Variants in MARS1 observed in about 807,000 individuals in gnomAD.
MARS1 encodes methionine--tRNA ligase, cytoplasmic.
Under a neutral mutation model 119.5 loss-of-function variants are expected in MARS1, and 80 were observed. That is an observed-to-expected ratio of 0.67 (90% CI 0.56 to 0.81). The LOEUF (loss-of-function observed/expected upper bound fraction) is 0.81, where lower values mean the gene tolerates loss of function less well. Ranked by LOEUF, MARS1 falls within the 30% of genes least tolerant of loss-of-function variation. The pLI is 0.00. For synonymous variants in MARS1, 418 were observed against 433.4 expected, an observed-to-expected ratio of 0.96 and a Z score of 0.44; for missense variants, 945 against 1,116.5, an observed-to-expected ratio of 0.85 and a Z score of 2.19.
chr12:57,494,169 T>A (rs1876454018), intron 7 of MARS1, among the ~76,000 whole-genome samples: 1 of 150,178 alleles, frequency 6.7e-6, no homozygotes, highest in Non-Finnish European at 1.5e-5. Context: ...TTGGCCAGGC[T>A]GGTCTCAAAC....
chr12:57,496,362 T>C (rs1292321813), intron 7 of MARS1, among the ~76,000 whole-genome samples: 2 of 150,748 alleles, frequency 1.3e-5, no homozygotes, highest in Admixed American at 6.6e-5. Flanking sequence ...GACGGGGTTT[T>C]ACCATGTTGG....
In MARS1 at chr12:57,498,150, T is replaced by A. The variant is rs1876729605; in HGVS notation, c.771-7T>A. 6.3e-7 allele frequency: 1 copy of A among 1,599,778 alleles called. No individual in the cohort carries two copies. The highest frequency in any genetic ancestry group is 8.6e-7 in the Non-Finnish European group (1 of 1,166,962). On this transcript the variant is annotated splice_region_variant and splice_polypyrimidine_tract_variant and intron_variant, in intron 7 of 20. Coordinates refer to ENST00000262027, the MANE Select transcript of MARS1 (RefSeq NM_004990.4). ...CATGCACTGTTCTCTTCCTCTTTCC[T>A]TACTAGGTTGCCTGTGGCTGGAGAA...
At position 57,515,949 on chromosome 12, in the gene MARS1, T is replaced by C. The variant is rs1057523185; in HGVS notation, c.2421T>C (p.Asn807=). ...GTCCCTTGTTCCAAAAATTGGAAAA[T>C]GACCAGATTGAAAGTTTAAGGCAGC... ...TVSPLFQKLE[N]DQIESLRQRF... The change falls in exon 19 of 21, where the codon AAT becomes AAC. Residue 807 remains asparagine, a synonymous_variant. Coordinates refer to ENST00000262027, the MANE Select transcript of MARS1 (RefSeq NM_004990.4). The C allele has an allele frequency of 6.2e-7, 1 of 1,614,072 alleles. No individual in the cohort carries two copies. The highest frequency in any genetic ancestry group is 8.5e-7 in the Non-Finnish European group (1 of 1,179,990).
intron 1 of MARS1, 43 bp downstream of exon 1, chr12:57,488,242 A>G: frequency 1.3e-6 from 2 of 1,559,764 alleles, no homozygotes; most frequent in Non-Finnish European, 1.8e-6. Context: ...GGGGGGCGGG[A>G]CCGAAACACG....
At position 57,512,818 on chromosome 12, in the gene MARS1, C is replaced by T; in HGVS notation, c.1821C>T (p.Ala607=). 1 of 1,614,178 alleles carries T rather than the reference C, an allele frequency of 6.2e-7. No homozygotes were observed. Among genetic ancestry groups the T allele is most frequent in the African/African-American group, 1.3e-5 (1 of 75,048 alleles). Residue 607 remains alanine (A), a synonymous_variant, in exon 15 of 21, where the codon GCC becomes GCT. Transcript: ENST00000262027. ...GTGTGGGAGTGTTTGGGGACATGGCCCAGGACACGGGGATCCCTGCTGACA... is the reference window on the plus strand; with the variant it reads ...GTGTGGGAGTGTTTGGGGACATGGCTCAGGACACGGGGATCCCTGCTGACA... ...SRGVGVFGDM[A]QDTGIPADIW...
Position 57,512,362 on chromosome 12 carries a change from C to G in MARS1, c.1753+9C>G. On this transcript the variant is annotated intron_variant, in intron 14 of 20. Transcript: ENST00000262027. ...CCACCTCATTGCTACAGGTAAGTAC[C>G]CTGGAAGACTACTGATGGGGTGTTC... The G allele has an allele frequency of 5.0e-6, 8 of 1,585,324 alleles. No homozygotes were observed. Among genetic ancestry groups the G allele is most frequent in the Non-Finnish European group, 6.1e-6 (7 of 1,153,956 alleles).
In MARS1 at chr12:57,489,702, A is replaced by T. The variant is rs1028759246; in HGVS notation, c.414+144A>T. The T allele has an allele frequency of 2.4e-6, 3 of 1,254,308 alleles. No individual in the cohort carries two copies. In the African/African-American group the frequency reaches 4.5e-5, roughly 19 times the overall value. The allele number at this position is 1,254,308 out of a possible 1,614,324, so 77.7% of individuals were successfully genotyped here. A position where few individuals can be genotyped will look rare whatever the true frequency, so the allele number is the denominator to read the frequency against. Reference sequence around the variant, plus strand: ...AAATCACTTAATCTCTCTAATCCTCAATTTTTTTCAGTTGTGAAATGGGAT... The same window carrying T: ...AAATCACTTAATCTCTCTAATCCTCTATTTTTTTCAGTTGTGAAATGGGAT... On this transcript the variant is annotated intron_variant, in intron 4 of 20. Transcript: ENST00000262027.
chr12:57,495,168 C>T (rs1346629529), intron 7 of MARS1, among the ~76,000 whole-genome samples: 20 of 149,010 alleles, frequency 1.3e-4, no homozygotes, highest in African/African-American at 3.5e-4. Flanking sequence ...GGCTGCCGGG[C>T]GGGGGCTGCC....
Position 57,512,145 on chromosome 12 carries a change from G to A in MARS1, c.1635+42G>A, listed in dbSNP as rs369496227. On this transcript the variant is annotated intron_variant, in intron 13 of 20. Transcript: ENST00000262027. Reference sequence around the variant, plus strand: ...TAGGCTGTGCATGGGGAGGGTAGGCGGTAGGGTGTGGGTGTTAGGGTTGGG... The same window carrying A: ...TAGGCTGTGCATGGGGAGGGTAGGCAGTAGGGTGTGGGTGTTAGGGTTGGG... The A allele has an allele frequency of 4.4e-6, 7 of 1,604,028 alleles. No homozygotes were observed. The African/African-American group carries it at 5.4e-5, about 12-fold the overall frequency.
chr12:57,514,584 G>A, intron 15 of MARS1, 136 bp from the exon 16 acceptor site: 1 of 1,005,414 alleles, frequency 9.9e-7, no homozygotes, highest in Non-Finnish European at 1.6e-6. Context: ...TAGCTTGAGG[G>A]AGCCAGGAGT....
chr12:57,493,878 A>G (rs1173234754), intron 7 of MARS1, among the ~76,000 whole-genome samples: 6 of 44,978 alleles, frequency 1.3e-4, no homozygotes, highest in African/African-American at 3.2e-4. Flanking sequence ...TAATATATAT[A>G]ATATATAATA....
chr12:57,492,618 C>G (rs1242654310), intron 7 of MARS1, among the ~76,000 whole-genome samples: 1 of 151,004 alleles, frequency 6.6e-6, no homozygotes, highest in Admixed American at 6.6e-5. Flanking sequence ...TTGCAGTGAG[C>G]GGAGATTGCG....
At chr12:57,494,655 C>A (rs1310089650) in intron 7 of MARS1, among the ~76,000 whole-genome samples, 1 of 151,728 alleles carries the variant, frequency 6.6e-6, no homozygotes. Flanking sequence ...GACCCTGCAG[C>A]CTTCCGCAGT....
chr12:57,493,411 A>AAT (rs374285857), intron 7 of MARS1, among the ~76,000 whole-genome samples: 14,917 of 15,232 alleles, frequency 0.98, 7,384 homozygotes, highest in Middle Eastern at 1. Flanking sequence ...TATGTTATAT[A>AAT]ATATATTATA....
intron 7 of MARS1, among the ~76,000 whole-genome samples, chr12:57,490,858 T>C (rs1875906842): frequency 6.8e-6 from 1 of 146,300 alleles, no homozygotes; most frequent in Non-Finnish European, 1.5e-5. Flanking sequence ...TCTGCACCCA[T>C]GTTTTTCTTG....
chr12:57,490,309 T>C lies in MARS1; in HGVS notation c.593T>C (p.Leu198Pro). 6.2e-7 allele frequency: 1 copy of C among 1,612,910 alleles called. No individual in the cohort carries two copies. Among genetic ancestry groups the C allele is most frequent in the East Asian group, 2.2e-5 (1 of 44,888 alleles). The change falls in exon 6 of 21, where the codon CTC (leucine) becomes CCC (proline). Residue 198 changes from leucine (L) to proline (P), a missense_variant. Leu to Pro is a moderately conservative substitution (Grantham distance 98). Transcript: ENST00000262027. ...CTGAAACAGCAAGGTGTCCTGGCTC[T>C]CCGGCCTTACCTCCAAAAGCAGCCC... ...TVLKQQGVLA[L>P]RPYLQKQPQP... is the part of the protein sequence containing the mutation.
chr12:57,490,668 G>A, intron 7 of MARS1, 24 bp downstream of exon 7: 1 of 1,601,880 alleles, frequency 6.2e-7, no homozygotes. Context: ...GCACATGTGA[G>A]TGGGGCTTGA....
chr12:57,493,325 T>C (rs1381246993), intron 7 of MARS1, among the ~76,000 whole-genome samples: 35 of 99,344 alleles, frequency 3.5e-4, no homozygotes, highest in Admixed American at 4.8e-4. Context: ...TATAATATAT[T>C]ATATATAATA....
chr12:57,500,170 T>C (rs140206252), intron 9 of MARS1, 151 bp from the exon 10 acceptor site: 1 of 700,914 alleles, frequency 1.4e-6, no homozygotes, highest in East Asian at 2.5e-5. Flanking sequence ...CCAGTAAAAC[T>C]CTCAAAAGAT....
Sources: gnomAD v4.1 joint callset for allele counts (sites outside exome capture counted in the v4.1 genomes callset) on GRCh38, gnomAD v4.1.1 for gene constraint, MANE v1.5 for transcripts, NCBI Gene and HGNC (gene_info 2026-07-23, HGNC 2026-07-21) for gene names.